Variants in THADA observed in about 807,000 individuals in gnomAD.
THADA encodes the protein THADA armadillo repeat containing.
THADA carries 213 observed loss-of-function variants against 219.8 expected under a neutral mutation model. That is an observed-to-expected ratio of 0.97 (90% CI 0.87 to 1.09). The LOEUF (loss-of-function observed/expected upper bound fraction) is 1.09, where lower values mean the gene tolerates loss of function less well. THADA is among the 50% of genes least tolerant of loss of function. THADA has a pLI of 0.00. For missense variants in THADA, 2,956 were observed against 2,311.3 expected, an observed-to-expected ratio of 1.28 and a Z score of -5.72; for synonymous variants, 1,018 against 828.9, an observed-to-expected ratio of 1.23 and a Z score of -3.92.
At chr2:43,457,816 C>T (rs1683197501) in intron 26 of THADA, among the ~76,000 whole-genome samples, 1 of 152,074 alleles carries the variant, frequency 6.6e-6, no homozygotes, top group African/African-American at 2.4e-5. Context: ...ACTTCCACTT[C>T]CTGTCTTTGC....
intron 26 of THADA, among the ~76,000 whole-genome samples, chr2:43,466,471 A>C (rs940663793): frequency 6.6e-6 from 1 of 152,102 alleles, no homozygotes; most frequent in Admixed American, 6.5e-5. Flanking sequence ...ACCTCCTTGC[A>C]TACCTCTATA....
At chr2:43,484,896 A>T (rs1465701475) in intron 26 of THADA, among the ~76,000 whole-genome samples, 1 of 151,844 alleles carries the variant, frequency 6.6e-6, no homozygotes. Flanking sequence ...TAATATATAC[A>T]AGTAAAGTTA....
At chr2:43,291,107 G>A (rs556292596) in intron 34 of THADA, among the ~76,000 whole-genome samples, 2 of 152,090 alleles carry the variant, frequency 1.3e-5, no homozygotes, top group South Asian at 4.2e-4. Context: ...TTGGGCATAT[G>A]TGTTTTGGGG....
Position 43,267,327 on chromosome 2 carries a change from A to T in THADA, c.5296+12438T>A, listed in dbSNP as rs184973640. 2.6e-5 allele frequency among the ~76,000 whole-genome samples: 4 copies of T among 152,330 alleles called. No homozygotes were observed. In the East Asian group the frequency reaches 7.7e-4, roughly 29 times the overall value. ...TGGACTCCCAACAGTTTAGAAGCAGATGCTCTATCTAATTCATCCCTGTGT... is the reference window on the plus strand; with the variant it reads ...TGGACTCCCAACAGTTTAGAAGCAGTTGCTCTATCTAATTCATCCCTGTGT... On this transcript the variant is annotated intron_variant, in intron 36 of 37. Transcript: ENST00000405975.
intron 30 of THADA, among the ~76,000 whole-genome samples, chr2:43,320,929 G>A (rs1314918276): frequency 5.9e-5 from 9 of 152,128 alleles, no homozygotes; most frequent in Admixed American, 5.9e-4. Context: ...AAAAAAATCA[G>A]TCATGAAAAT....
chr2:43,534,357 AATT>A (rs1280011251), intron 21 of THADA, among the ~76,000 whole-genome samples: 2 of 152,132 alleles, frequency 1.3e-5, no homozygotes, highest in African/African-American at 4.8e-5. Flanking sequence ...AGCTATTTGG[AATT>A]ATTAATATAT....
chr2:43,531,322 A>G (rs1163937087), intron 21 of THADA, among the ~76,000 whole-genome samples: 1 of 152,260 alleles, frequency 6.6e-6, no homozygotes, highest in Non-Finnish European at 1.5e-5. Context: ...ACTAGAATGA[A>G]TAGACCAACA....
intron 24 of THADA, among the ~76,000 whole-genome samples, chr2:43,500,874 T>G (rs936152243): frequency 6.6e-6 from 1 of 152,204 alleles, no homozygotes; most frequent in African/African-American, 2.4e-5. Context: ...TCTGATAGGC[T>G]GCTGAATACA....
intron 29 of THADA, among the ~76,000 whole-genome samples, chr2:43,354,766 G>A (rs1420002709): frequency 6.6e-6 from 1 of 152,072 alleles, no homozygotes; most frequent in Non-Finnish European, 1.5e-5. Context: ...TTGTTTGGCT[G>A]TGTCCCTACC....
chr2:43,267,437 C>T (rs967807070), intron 36 of THADA, among the ~76,000 whole-genome samples: 3 of 152,144 alleles, frequency 2.0e-5, no homozygotes, highest in South Asian at 2.1e-4. Context: ...TGGCAGATTG[C>T]GAGAAGTGAA....
Position 43,545,003 on chromosome 2 carries a change from G to A in THADA, c.3107-3687C>T, listed in dbSNP as rs188918206. Among the ~76,000 whole-genome samples the A allele has an allele frequency of 1.3e-4, 20 of 152,262 alleles. No individual in the cohort carries two copies. The East Asian group carries it at 2.9e-3, about 22-fold the overall frequency. On this transcript the variant is annotated intron_variant, in intron 20 of 37. Transcript: ENST00000405975. ...TTTTCGCCCATTCAGTATGACATTC[G>A]CTGTGGGTTTGTCACAGATAGCTCT... is the stretch of plus-strand genomic sequence containing the variant.
chr2:43,571,196 C>G (rs1420727625), intron 13 of THADA, among the ~76,000 whole-genome samples: 1 of 150,856 alleles, frequency 6.6e-6, no homozygotes, highest in Non-Finnish European at 1.5e-5. Context: ...GTTGAGGGTA[C>G]AGTGAGCTAT....
intron 22 of THADA, among the ~76,000 whole-genome samples, chr2:43,520,713 T>TATATATAC (rs1218079783): frequency 5.4e-4 from 68 of 125,124 alleles, no homozygotes; most frequent in Middle Eastern, 4.0e-3. Flanking sequence ...TATATATATA[T>TATATATAC]ACACACACAC....
intron 26 of THADA, among the ~76,000 whole-genome samples, chr2:43,454,973 C>G (rs568460994): frequency 3.3e-5 from 5 of 151,696 alleles, no homozygotes; most frequent in African/African-American, 9.7e-5. Context: ...AATGACGAGT[C>G]TTGGGGTGAA....
At chr2:43,361,717 A>G (rs965505758) in intron 29 of THADA, among the ~76,000 whole-genome samples, 50 of 152,370 alleles carry the variant, frequency 3.3e-4, no homozygotes, top group African/African-American at 1.2e-3. Flanking sequence ...GCTCATCACA[A>G]TGACAAATGT....
At chr2:43,404,370 C>CT (rs1675268749) in intron 28 of THADA, among the ~76,000 whole-genome samples, 1 of 147,090 alleles carries the variant, frequency 6.8e-6, no homozygotes, top group African/African-American at 2.5e-5. Flanking sequence ...TTTTCTTTTT[C>CT]TTTTCTTTTT....
chr2:43,385,445 A>C (rs1672538912), intron 29 of THADA, among the ~76,000 whole-genome samples: 1 of 152,014 alleles, frequency 6.6e-6, no homozygotes, highest in African/African-American at 2.4e-5. Context: ...TCTCTACTAA[A>C]AATACAAAAA....
chr2:43,532,586 T>C (rs990706369), intron 21 of THADA, among the ~76,000 whole-genome samples: 1 of 152,100 alleles, frequency 6.6e-6, no homozygotes, highest in African/African-American at 2.4e-5. Context: ...AAACTAGGTA[T>C]TGATGGAACA....
intron 37 of THADA, among the ~76,000 whole-genome samples, chr2:43,231,791 CTG>C (rs1282143493): frequency 6.6e-6 from 1 of 152,196 alleles, no homozygotes; most frequent in African/African-American, 2.4e-5. Context: ...TTCTATAACA[CTG>C]TGATTCTCAA....
Sources: gnomAD v4.1 joint callset for allele counts (sites outside exome capture counted in the v4.1 genomes callset) on GRCh38, gnomAD v4.1.1 for gene constraint, MANE v1.5 for transcripts, NCBI Gene and HGNC (gene_info 2026-07-23, HGNC 2026-07-21) for gene names.